The following MCPH1 variants were observed in gnomAD, a reference collection of about 807,000 sequenced individuals.
The protein encoded by MCPH1 is microcephalin.
A neutral mutation model predicts 84.5 loss-of-function variants in MCPH1; 104 were observed. The ratio of observed to expected loss-of-function variants is 1.23; its 90% CI spans 1.05 to 1.45. The LOEUF (loss-of-function observed/expected upper bound fraction) is 1.45, where lower values mean the gene tolerates loss of function less well. MCPH1 is among the 40% of genes most tolerant of loss of function. The pLI, the probability that MCPH1 is intolerant of heterozygous loss-of-function variation, is 0.00. For synonymous variants in MCPH1, 514 were observed against 366.8 expected (o/e 1.40, Z -4.58); for missense variants, 1,498 against 1,005.7 (o/e 1.49, Z -6.62).
intron 12 of MCPH1, among the ~76,000 whole-genome samples, chr8:6,551,714 A>G (rs1225943505): frequency 6.6e-6 from 1 of 152,254 alleles, no homozygotes; most frequent in Non-Finnish European, 1.5e-5. Flanking sequence ...TTAAGAACCT[A>G]TTCCTTAATA....
chr8:6,539,896 T>A (rs1221083791), intron 12 of MCPH1, among the ~76,000 whole-genome samples: 1 of 152,216 alleles, frequency 6.6e-6, no homozygotes, highest in Admixed American at 6.5e-5. Context: ...CATTTAATAA[T>A]TTATGAGTGA....
At chr8:6,409,200 A>T (rs1563162998) in intron 1 of MCPH1, 79 bp from the exon 2 acceptor site, 1 of 1,243,814 alleles carries the variant, frequency 8.0e-7, no homozygotes, top group East Asian at 2.3e-5. Context: ...TTACTCTTAA[A>T]TGTAAATAGA....
chr8:6,560,495 A>G (rs774459506), intron 12 of MCPH1, among the ~76,000 whole-genome samples: 4 of 152,122 alleles, frequency 2.6e-5, no homozygotes, highest in Non-Finnish European at 5.9e-5. Flanking sequence ...TTTTGTTTTC[A>G]TTCCCAAGCC....
chr8:6,410,337 A>G (rs1798361958), intron 2 of MCPH1, among the ~76,000 whole-genome samples: 1 of 152,138 alleles, frequency 6.6e-6, no homozygotes, highest in South Asian at 2.1e-4. Flanking sequence ...AGAATTTTTA[A>G]AAACTACAGA....
At chr8:6,470,416 T>C (rs1022235400) in intron 9 of MCPH1, among the ~76,000 whole-genome samples, 1 of 152,156 alleles carries the variant, frequency 6.6e-6, no homozygotes, top group Non-Finnish European at 1.5e-5. Context: ...CCTGAGTAGC[T>C]GGGATTACAG....
At chr8:6,415,629 CAGGTGTG>C (rs1333472735) in intron 3 of MCPH1, among the ~76,000 whole-genome samples, 1 of 152,160 alleles carries the variant, frequency 6.6e-6, no homozygotes, top group Non-Finnish European at 1.5e-5. Context: ...GCTAGGATTA[CAGGTGTG>C]AGCCACCGTG....
intron 11 of MCPH1, among the ~76,000 whole-genome samples, chr8:6,491,937 A>G (rs1810643212): frequency 6.6e-6 from 1 of 152,212 alleles, no homozygotes; most frequent in Non-Finnish European, 1.5e-5. Context: ...CAGTAAACAC[A>G]CGTGTGCATG....
chr8:6,588,194 C>T (rs1216018033), intron 12 of MCPH1, among the ~76,000 whole-genome samples: 1 of 152,066 alleles, frequency 6.6e-6, no homozygotes, highest in Non-Finnish European at 1.5e-5. Flanking sequence ...GCCTCCTGTC[C>T]CCTCCACCTT....
At chr8:6,581,719 T>C (rs970679628) in intron 12 of MCPH1, among the ~76,000 whole-genome samples, 1 of 152,224 alleles carries the variant, frequency 6.6e-6, no homozygotes, top group African/African-American at 2.4e-5. Flanking sequence ...TCTTAATGTG[T>C]TCAGGCTGCT....
intron 12 of MCPH1, among the ~76,000 whole-genome samples, chr8:6,573,562 C>G (rs1826834878): frequency 1.3e-5 from 2 of 152,194 alleles, no homozygotes; most frequent in South Asian, 4.1e-4. Flanking sequence ...AGGCAGGAAT[C>G]CTGTGAACTA....
At chr8:6,627,358 C>A (rs1796814727) in intron 13 of MCPH1, 1 of 914,062 alleles carries the variant, frequency 1.1e-6, no homozygotes, top group Non-Finnish European at 1.3e-6. Flanking sequence ...CTGCCCCCTT[C>A]CAGCCCCTCT....
At chr8:6,467,931 G>T (rs1807190486) in intron 9 of MCPH1, among the ~76,000 whole-genome samples, 1 of 152,122 alleles carries the variant, frequency 6.6e-6, no homozygotes, top group African/African-American at 2.4e-5. Context: ...GGAAGGTAGA[G>T]GTGTGTACGT....
intron 4 of MCPH1, among the ~76,000 whole-genome samples, chr8:6,432,519 A>G (rs985830511): frequency 6.6e-6 from 1 of 152,190 alleles, no homozygotes; most frequent in African/African-American, 2.4e-5. Context: ...TCGGCTTTCT[A>G]TTTATGTAAA....
intron 12 of MCPH1, among the ~76,000 whole-genome samples, chr8:6,529,577 C>G (rs781004432): frequency 2.0e-5 from 3 of 151,608 alleles, no homozygotes; most frequent in Non-Finnish European, 4.4e-5. Context: ...CTCACTAAGC[C>G]TCCCAAGTAA....
chr8:6,612,805 C>T (rs189381456), intron 12 of MCPH1, among the ~76,000 whole-genome samples: 157 of 152,330 alleles, frequency 1.0e-3, no homozygotes, highest in African/African-American at 3.5e-3. Flanking sequence ...GCCTGTGAAC[C>T]CCGCAATTTC....
chr8:6,573,442 G>A (rs1826826331), intron 12 of MCPH1, among the ~76,000 whole-genome samples: 1 of 152,084 alleles, frequency 6.6e-6, no homozygotes, highest in Non-Finnish European at 1.5e-5. Context: ...CTGGTACTGG[G>A]ACTGACTCTT....
chr8:6,446,267 C>T (rs1254423485), intron 8 of MCPH1: 2 of 984,166 alleles, frequency 2.0e-6, no homozygotes, highest in African/African-American at 3.5e-5. Context: ...TAGGTTCCAG[C>T]AACCAAAATT....
At chr8:6,423,043 A>G (rs1800470139) in intron 3 of MCPH1, among the ~76,000 whole-genome samples, 1 of 150,506 alleles carries the variant, frequency 6.6e-6, no homozygotes, top group Non-Finnish European at 1.5e-5. Flanking sequence ...GGCTGGTTTA[A>G]CTCCTGACCT....
At chr8:6,467,094 T>C (rs911284146) in intron 9 of MCPH1, among the ~76,000 whole-genome samples, 1 of 152,220 alleles carries the variant, frequency 6.6e-6, no homozygotes, top group Non-Finnish European at 1.5e-5. Context: ...TGAGGCGTTA[T>C]AATAGGGTTT....
Sources: gnomAD v4.1 joint callset for allele counts (sites outside exome capture counted in the v4.1 genomes callset) on GRCh38, gnomAD v4.1.1 for gene constraint, MANE v1.5 for transcripts, NCBI Gene and HGNC (gene_info 2026-07-23, HGNC 2026-07-21) for gene names.